Variants in PEBP4 observed in about 807,000 individuals in gnomAD.
PEBP4 encodes the protein phosphatidylethanolamine-binding protein 4.
In PEBP4, 22 loss-of-function variants were observed where a neutral mutation model predicts 23.9. The ratio of observed to expected loss-of-function variants is 0.92; its 90% CI spans 0.66 to 1.31. PEBP4 has a LOEUF of 1.31. Among genes scored for constraint, PEBP4 ranks in the 40% most tolerant of loss-of-function variants. PEBP4 has a pLI of 0.00. For synonymous variants in PEBP4, 112 were observed against 99.3 expected (o/e 1.13, Z -0.76); for missense variants, 324 against 281.7 (o/e 1.15, Z -1.07).
At chr8:22,737,944 C>T (rs780563974) in intron 4 of PEBP4, among the ~76,000 whole-genome samples, 66 of 152,110 alleles carry the variant, frequency 4.3e-4, no homozygotes, top group Admixed American at 6.5e-4. Context: ...CGGTGGTTGC[C>T]GGGGAGTAGA....
chr8:22,731,697 C>T (rs188186314), intron 4 of PEBP4, among the ~76,000 whole-genome samples: 2,848 of 151,920 alleles, frequency 0.019, 41 homozygotes, highest in African/African-American at 0.035. Flanking sequence ...CTCGCTCTGT[C>T]GCCCAGGCTG....
intron 6 of PEBP4, among the ~76,000 whole-genome samples, chr8:22,723,638 A>G (rs966330481): frequency 3.3e-5 from 5 of 152,198 alleles, no homozygotes; most frequent in African/African-American, 4.8e-5. Flanking sequence ...GGCAAGATAC[A>G]TAATTTTGTT....
At chr8:22,717,548 T>C (rs1046247138) in intron 6 of PEBP4, among the ~76,000 whole-genome samples, 9 of 152,186 alleles carry the variant, frequency 5.9e-5, no homozygotes, top group South Asian at 2.1e-4. Flanking sequence ...CATTCTCCCA[T>C]GGGCCCCCGT....
At chr8:22,860,903 T>C (rs568776585) in intron 3 of PEBP4, among the ~76,000 whole-genome samples, 32 of 152,352 alleles carry the variant, frequency 2.1e-4, no homozygotes, top group Non-Finnish European at 1.5e-5. Context: ...TGCCACGAGG[T>C]CTACTTAATG....
chr8:22,715,099 G>T (rs1297998469), intron 6 of PEBP4, among the ~76,000 whole-genome samples: 1 of 152,254 alleles, frequency 6.6e-6, no homozygotes, highest in Non-Finnish European at 1.5e-5. Context: ...GATGGGGAAA[G>T]GCCTTTGCAG....
chr8:22,780,696 G>A (rs138688338), intron 4 of PEBP4, among the ~76,000 whole-genome samples: 3 of 152,242 alleles, frequency 2.0e-5, no homozygotes, highest in Non-Finnish European at 2.9e-5. Context: ...CCGGATCAGC[G>A]GACCTTCAGC....
At chr8:22,935,923 T>G (rs1809531544) in intron 1 of PEBP4, among the ~76,000 whole-genome samples, 1 of 150,308 alleles carries the variant, frequency 6.7e-6, no homozygotes. Context: ...GTAAAATAGC[T>G]ATAAAAGCTT....
chr8:22,902,541 T>C (rs2128777135), intron 3 of PEBP4, among the ~76,000 whole-genome samples: 1 of 152,090 alleles, frequency 6.6e-6, no homozygotes, highest in East Asian at 1.9e-4. Context: ...GATGCCTGGT[T>C]AGCCTCTCCC....
chr8:22,817,732 C>A lies in PEBP4; in HGVS notation c.262G>T (p.Ala88Ser). The change falls in exon 4 of 7, where the codon GCA becomes TCA. Residue 88 changes from alanine to serine, a missense_variant. By Grantham distance (99) the Ala-to-Ser change is moderately conservative (BLOSUM62 1). Coordinates refer to ENST00000256404, the MANE Select transcript of PEBP4 (RefSeq NM_144962.3). The part of the protein sequence containing the change: ...IVKFPGAVDG[A>S]TYILVMVDPD... The stretch of plus-strand genomic sequence containing the variant: ...TCCACCATCACCAGGATATAGGTTG[C>A]GCCCTGTAACACATGTACCGAAAAG... 1.2e-6 allele frequency: 2 copies of A among 1,613,814 alleles called. No homozygotes were observed. The highest frequency in any genetic ancestry group is 1.1e-5 in the South Asian group (1 of 91,088).
At chr8:22,890,061 A>T (rs141693990) in intron 3 of PEBP4, among the ~76,000 whole-genome samples, 1 of 152,244 alleles carries the variant, frequency 6.6e-6, no homozygotes, top group African/African-American at 2.4e-5. Context: ...TGAGGAGAAC[A>T]TGAGCCAGTA....
intron 3 of PEBP4, among the ~76,000 whole-genome samples, chr8:22,874,049 G>T (rs760161463): frequency 4.2e-4 from 64 of 152,116 alleles, no homozygotes; most frequent in Non-Finnish European, 7.1e-4. Flanking sequence ...CGACATCTTG[G>T]TCTTCCTAAC....
chr8:22,854,449 C>G (rs1256358232), intron 3 of PEBP4, among the ~76,000 whole-genome samples: 1 of 152,058 alleles, frequency 6.6e-6, no homozygotes, highest in Non-Finnish European at 1.5e-5. Context: ...GTAGTCTTGC[C>G]GTAGGGACCA....
intron 3 of PEBP4, among the ~76,000 whole-genome samples, chr8:22,854,926 A>ATGTGTGTGTGTGTGTG (rs113480248): frequency 1.5e-5 from 2 of 133,218 alleles, no homozygotes; most frequent in Non-Finnish European, 3.2e-5. Flanking sequence ...TGAGATTAGA[A>ATGTGTGTGTGTGTGTG]TGTGTGTGTG....
chr8:22,895,758 G>C (rs766201796), intron 3 of PEBP4: 1 of 152,104 alleles, frequency 6.6e-6, no homozygotes, highest in Non-Finnish European at 1.5e-5. Context: ...CATTTCTGTT[G>C]CTCTATCTTC....
chr8:22,904,030 G>C (rs894417333), intron 3 of PEBP4, among the ~76,000 whole-genome samples: 5 of 152,212 alleles, frequency 3.3e-5, no homozygotes, highest in Non-Finnish European at 5.9e-5. Flanking sequence ...GAAAACTAAA[G>C]CTGCTTGCCC....
intron 3 of PEBP4, among the ~76,000 whole-genome samples, chr8:22,918,786 T>G (rs1034689355): frequency 1.3e-5 from 2 of 152,218 alleles, no homozygotes; most frequent in African/African-American, 4.8e-5. Flanking sequence ...GCCCGGCCTC[T>G]GCACCTCCCA....
At chr8:22,825,184 T>C (rs1169252255) in intron 3 of PEBP4, among the ~76,000 whole-genome samples, 1 of 152,224 alleles carries the variant, frequency 6.6e-6, no homozygotes, top group Non-Finnish European at 1.5e-5. Flanking sequence ...GAGTGCTTGT[T>C]CACCAAAGAA....
intron 4 of PEBP4, among the ~76,000 whole-genome samples, chr8:22,736,566 C>T (rs1299125628): frequency 1.3e-5 from 2 of 152,110 alleles, no homozygotes; most frequent in Non-Finnish European, 2.9e-5. Context: ...ATTGTTGCAC[C>T]ACTGCATTCC....
chr8:22,809,610 G>T (rs1264887843), intron 4 of PEBP4, among the ~76,000 whole-genome samples: 2 of 152,070 alleles, frequency 1.3e-5, no homozygotes, highest in African/African-American at 4.8e-5. Context: ...CCCACTCTGG[G>T]CCTCAATTTC....
Sources: gnomAD v4.1 joint callset for allele counts (sites outside exome capture counted in the v4.1 genomes callset) on GRCh38, gnomAD v4.1.1 for gene constraint, MANE v1.5 for transcripts, NCBI Gene and HGNC (gene_info 2026-07-23, HGNC 2026-07-21) for gene names.